SLC9C1: variants seen among roughly 807,000 people sequenced by gnomAD.
SLC9C1 encodes the protein sodium/hydrogen exchanger 10.
A neutral mutation model predicts 140.9 loss-of-function variants in SLC9C1; 97 were observed. That is an observed-to-expected ratio of 0.69 (90% confidence interval 0.58 to 0.82). SLC9C1 has a LOEUF of 0.82. SLC9C1 is among the 40% of genes least tolerant of loss of function. SLC9C1 has a pLI of 0.00. For missense variants in SLC9C1, 1,340 were observed against 1,389.3 expected (o/e 0.96, Z 0.56); for synonymous variants, 440 against 442.6 (o/e 0.99, Z 0.07).
intron 12 of SLC9C1, 22 bp downstream of exon 12, chr3:112,239,817 TA>T (rs754758568): frequency 6.3e-7 from 1 of 1,583,190 alleles, no homozygotes; most frequent in Non-Finnish European, 8.6e-7. Context: ...ATTAAAGCAA[TA>T]AAAAAGATAT....
At chr3:112,158,578 A>G (rs1265897864) in intron 26 of SLC9C1, among the ~76,000 whole-genome samples, 1 of 151,968 alleles carries the variant, frequency 6.6e-6, no homozygotes, top group African/African-American at 2.4e-5. Flanking sequence ...TTTTTGAAAT[A>G]GTTTAAGTAG....
chr3:112,253,791 A>C (rs2079530887), intron 10 of SLC9C1, among the ~76,000 whole-genome samples: 1 of 152,208 alleles, frequency 6.6e-6, no homozygotes, highest in Non-Finnish European at 1.5e-5. Context: ...GGCTGAGACA[A>C]CAGAAATAGA....
At chr3:112,185,684 T>G (rs1460472438) in intron 20 of SLC9C1, 1 of 1,548,600 alleles carries the variant, frequency 6.5e-7, no homozygotes, top group African/African-American at 1.4e-5. Context: ...TCCGGAGGCG[T>G]GCACGCTCGT....
At chr3:112,263,580 G>A (rs1241236206) in intron 9 of SLC9C1, among the ~76,000 whole-genome samples, 1 of 151,284 alleles carries the variant, frequency 6.6e-6, no homozygotes, top group Non-Finnish European at 1.5e-5. Context: ...TGATAATTTG[G>A]GAAATAATTT....
At chr3:112,165,172 T>C (rs1306272817) in intron 26 of SLC9C1, among the ~76,000 whole-genome samples, 2 of 152,180 alleles carry the variant, frequency 1.3e-5, no homozygotes, top group African/African-American at 4.8e-5. Flanking sequence ...TAGCCATTCG[T>C]CTAAGTTTTT....
Position 112,234,127 on chromosome 3 carries a change from T to A in SLC9C1, c.1447-2641A>T, listed in dbSNP as rs1401317608. Among the ~76,000 whole-genome samples the A allele has an allele frequency of 3.9e-5, 6 of 152,214 alleles. No individual in the cohort carries two copies. In the East Asian group the frequency reaches 1.2e-3, roughly 29 times the overall value. On this transcript the variant is annotated intron_variant, in intron 12 of 28. Coordinates refer to ENST00000305815, the MANE Select transcript of SLC9C1 (RefSeq NM_183061.3). ...GTAAAAGTGCTCCTATTTCTCCACA[T>A]CCCTCTCCAGCACCTGTTGTTTCCT...
At chr3:112,167,086 G>T in intron 26 of SLC9C1, 135 bp downstream of exon 26, 2 of 884,870 alleles carry the variant, frequency 2.3e-6, no homozygotes, top group Non-Finnish European at 3.3e-6. Flanking sequence ...CTCATACATT[G>T]AATAGCAAAT....
At position 112,231,292 on chromosome 3, in the gene SLC9C1, T is replaced by G; in HGVS notation, c.1572+69A>C. On this transcript the variant is annotated intron_variant, in intron 13 of 28. Transcript: ENST00000305815. ...ATTAAGTGAGCATGATCAAGATGTC[T>G]TTATAAAGGAGGAATTTTTCAACAT... 3.2e-6 allele frequency: 5 copies of G among 1,577,604 alleles called. No homozygotes were observed. The Admixed American group carries it at 5.3e-5, about 17-fold the overall frequency.
intron 23 of SLC9C1, among the ~76,000 whole-genome samples, chr3:112,175,101 C>T (rs2077311369): frequency 6.6e-6 from 1 of 152,066 alleles, no homozygotes; most frequent in South Asian, 2.1e-4. Context: ...GGCTCAATAG[C>T]CCTGACAAAG....
intron 3 of SLC9C1, among the ~76,000 whole-genome samples, chr3:112,279,470 A>T (rs2080302683): frequency 6.6e-6 from 1 of 152,208 alleles, no homozygotes; most frequent in Non-Finnish European, 1.5e-5. Context: ...ATGGGTACTA[A>T]AGAATATGCA....
At chr3:112,249,610 A>C (rs1340970466) in intron 10 of SLC9C1, among the ~76,000 whole-genome samples, 1 of 152,120 alleles carries the variant, frequency 6.6e-6, no homozygotes, top group Admixed American at 6.6e-5. Context: ...ATGCAGAATC[A>C]ATTTTGGAAC....
chr3:112,233,026 T>TACAC lies in SLC9C1; in HGVS notation c.1447-1544_1447-1541dup, dbSNP rs60551268. Among the ~76,000 whole-genome samples, 513 of 134,396 alleles carry TACAC rather than the reference T, an allele frequency of 3.8e-3. 6 individuals carry two copies. Among genetic ancestry groups the TACAC allele is most frequent in the South Asian group, 0.034 (140 of 4,100 alleles). The allele number at this position is 134,396 out of a possible 152,430, so 88.2% of individuals were successfully genotyped here. A position where few individuals can be genotyped will look rare whatever the true frequency, so the allele number is the denominator to read the frequency against. ...AGCCATTTTCTAAGGTTCACTTTCA[T>TACAC]ACACACACACACACACACACACACA... On this transcript the variant is annotated intron_variant, in intron 12 of 28. Transcript: ENST00000305815.
intron 9 of SLC9C1, 59 bp from the exon 10 acceptor site, chr3:112,263,157 A>G: frequency 1.4e-6 from 2 of 1,412,546 alleles, no homozygotes; most frequent in South Asian, 3.0e-5. Flanking sequence ...TTTCCATTTC[A>G]TGCTACTCTA....
intron 10 of SLC9C1, among the ~76,000 whole-genome samples, chr3:112,251,812 T>C (rs1201183809): frequency 1.3e-5 from 2 of 151,872 alleles, no homozygotes; most frequent in Admixed American, 1.3e-4. Flanking sequence ...TTCTCCTCTC[T>C]GGGCAGGTGA....
intron 10 of SLC9C1, among the ~76,000 whole-genome samples, chr3:112,249,428 C>A (rs1215034535): frequency 6.6e-6 from 1 of 151,852 alleles, no homozygotes; most frequent in Non-Finnish European, 1.5e-5. Context: ...TGTTGTGTCT[C>A]TGCTAGCTCT....
At chr3:112,170,573 T>C (rs1354366784) in intron 23 of SLC9C1, among the ~76,000 whole-genome samples, 1 of 152,192 alleles carries the variant, frequency 6.6e-6, no homozygotes, top group Non-Finnish European at 1.5e-5. Flanking sequence ...AGATAAAATA[T>C]AGAAAACAAA....
Position 112,151,849 on chromosome 3 carries a change from T to C in SLC9C1, c.3524+8A>G. 2.5e-6 allele frequency: 4 copies of C among 1,609,544 alleles called. No individual in the cohort carries two copies. Among genetic ancestry groups the C allele is most frequent in the African/African-American group, 2.7e-5 (2 of 74,850 alleles). ...CCTGATCCTGTTGAGGAAACCAGAG[T>C]GGCTTACCTGACTTTCCTTAGGTTT... On this transcript the variant is annotated splice_region_variant and intron_variant, in intron 28 of 28. Transcript: ENST00000305815.
At chr3:112,168,709 C>T (rs1032218646) in intron 25 of SLC9C1, among the ~76,000 whole-genome samples, 168 bp downstream of exon 25, 1 of 151,946 alleles carries the variant, frequency 6.6e-6, no homozygotes, top group African/African-American at 2.4e-5. Flanking sequence ...TGTGTGTGGG[C>T]CTATGTGGGT....
At chr3:112,283,200 C>T (rs141371484) in intron 2 of SLC9C1, among the ~76,000 whole-genome samples, 3 of 152,214 alleles carry the variant, frequency 2.0e-5, no homozygotes, top group East Asian at 3.9e-4. Flanking sequence ...AAAAGAATGT[C>T]GACTGGGCAT....
Sources: allele counts gnomAD v4.1 joint callset (sites outside exome capture counted in the v4.1 genomes callset), GRCh38; gene constraint gnomAD v4.1.1; transcripts MANE v1.5; gene names NCBI Gene and HGNC (gene_info 2026-07-23, HGNC 2026-07-21).